Variants in UGT1A7 observed in about 807,000 individuals in gnomAD.
UGT1A7 encodes the protein UDP glucuronosyltransferase family 1 member A7.
Under a neutral mutation model 45.6 loss-of-function variants are expected in UGT1A7, and 33 were observed. The observed-to-expected ratio is 0.72, with a 90% CI of 0.55 to 0.97. The LOEUF is 0.97. UGT1A7 is among the 50% of genes least tolerant of loss of function. The pLI, the probability that UGT1A7 is intolerant of heterozygous loss-of-function variation, is 0.00. For missense variants in UGT1A7, 684 were observed against 666.2 expected, an observed-to-expected ratio of 1.03 and a Z score of -0.29; for synonymous variants, 274 against 250.6, an observed-to-expected ratio of 1.09 and a Z score of -0.88.
chr2:233,704,482 A>G (rs2075791499), intron 1 of UGT1A7, among the ~76,000 whole-genome samples: 1 of 152,052 alleles, frequency 6.6e-6, no homozygotes, highest in South Asian at 2.1e-4. Flanking sequence ...TCCCCTTTTT[A>G]TGATATTATT....
intron 1 of UGT1A7, among the ~76,000 whole-genome samples, chr2:233,724,331 G>A (rs1366026275): frequency 6.4e-5 from 9 of 139,780 alleles, no homozygotes; most frequent in East Asian, 2.2e-4. Flanking sequence ...CTGGCCAGGC[G>A]GGGGGCTGAC....
chr2:233,732,301 C>A (rs2078258261), intron 1 of UGT1A7, among the ~76,000 whole-genome samples: 1 of 152,184 alleles, frequency 6.6e-6, no homozygotes, highest in South Asian at 2.1e-4. Flanking sequence ...TTAATTAGAT[C>A]CCATTTGTCT....
intron 4 of UGT1A7, chr2:233,771,362 C>T (rs1186329971): frequency 6.6e-6 from 1 of 152,076 alleles, no homozygotes; most frequent in African/African-American, 2.4e-5. Context: ...GTTGAAGCAC[C>T]TAACCCGTTT....
chr2:233,692,840 A>C, intron 1 of UGT1A7: 1 of 1,451,404 alleles, frequency 6.9e-7, no homozygotes, highest in Non-Finnish European at 9.0e-7. Context: ...AAAATGGTTA[A>C]ATATTAATTT....
In UGT1A7 at chr2:233,685,280, G is replaced by A. The variant is rs141032046; in HGVS notation, c.855+2488G>A. Among the ~76,000 whole-genome samples the A allele has an allele frequency of 1.9e-3, 285 of 152,202 alleles. 2 individuals are homozygous for A. The highest frequency in any genetic ancestry group is 6.4e-3 in the African/African-American group (266 of 41,544). On this transcript the variant is annotated intron_variant, in intron 1 of 4. Transcript: ENST00000373426. ...ACTCCTGACCTCAAGTGATCCGCCC[G>A]CCTCCGCCTTTCAAAGTGTTGAGAT... is the stretch of plus-strand genomic sequence containing the variant.
rs1699952457 is a variant in UGT1A7, at chr2:233,769,841, G to C, written c.1295+1402G>C. On this transcript the variant is annotated intron_variant, in intron 4 of 4. Coordinates refer to ENST00000373426, the MANE Select transcript of UGT1A7 (RefSeq NM_019077.3). This position sits in a 1 kb window ranked among gnomAD's most constrained non-coding sequence, Gnocchi z 4.4. The stretch of plus-strand genomic sequence containing the variant: ...CTGCACTCCAGCAACCTGGGCAACA[G>C]AGTGAGACCCTGTCTCAAAAAAAAA... The C allele has an allele frequency of 1.8e-6, 1 of 550,096 alleles. No homozygotes were observed. Among genetic ancestry groups the C allele is most frequent in the Non-Finnish European group, 2.8e-6 (1 of 353,910 alleles). The allele number at this position is 550,096 out of a possible 1,614,324, so 34.1% of individuals were successfully genotyped here. A position where few individuals can be genotyped will look rare whatever the true frequency, so the allele number is the denominator to read the frequency against.
chr2:233,701,208 T>G (rs111659541), intron 1 of UGT1A7, among the ~76,000 whole-genome samples: 41 of 152,260 alleles, frequency 2.7e-4, no homozygotes, highest in African/African-American at 9.2e-4. Context: ...ATAGCAGCAT[T>G]ATTTATAATC....
At chr2:233,725,264 G>GGCAGAGGCAGAGGCAGAGGCAGAGGCA (rs1216362118) in intron 1 of UGT1A7, among the ~76,000 whole-genome samples, 1 of 58,548 alleles carries the variant, frequency 1.7e-5, no homozygotes, top group African/African-American at 1.3e-4. Flanking sequence ...CAGAGGCAGA[G>GGCAGAGGCAGAGGCAGAGGCAGAGGCA]GAGGCAGAGG....
chr2:233,701,912 C>A (rs1291410680), intron 1 of UGT1A7, among the ~76,000 whole-genome samples: 2 of 152,020 alleles, frequency 1.3e-5, no homozygotes, highest in Non-Finnish European at 1.5e-5. Context: ...AAAATTGACA[C>A]CCTAACATCA....
intron 1 of UGT1A7, among the ~76,000 whole-genome samples, chr2:233,749,626 A>G (rs377692778): frequency 5.9e-5 from 9 of 151,982 alleles, no homozygotes; most frequent in South Asian, 4.2e-4. Context: ...TTGGCTCTGT[A>G]TCCCCCACCA....
At chr2:233,726,556 C>T (rs1390760024) in intron 1 of UGT1A7, among the ~76,000 whole-genome samples, 1 of 152,180 alleles carries the variant, frequency 6.6e-6, no homozygotes, top group Non-Finnish European at 1.5e-5. Flanking sequence ...CTTCAAGTCT[C>T]CCACTCTTAC....
chr2:233,707,423 C>T (rs1388358348), intron 1 of UGT1A7, among the ~76,000 whole-genome samples: 1 of 151,946 alleles, frequency 6.6e-6, no homozygotes, highest in Non-Finnish European at 1.5e-5. Context: ...TCGACTATTT[C>T]TTTGCTTTTC....
chr2:233,727,172 G>A (rs930119723), intron 1 of UGT1A7, among the ~76,000 whole-genome samples: 2 of 152,114 alleles, frequency 1.3e-5, no homozygotes, highest in African/African-American at 2.4e-5. Flanking sequence ...GCTTTTTTCT[G>A]TCTCTGGACT....
At chr2:233,693,263 C>A (rs2075141941) in intron 1 of UGT1A7, 2 of 1,613,974 alleles carry the variant, frequency 1.2e-6, no homozygotes, top group African/African-American at 2.7e-5. Flanking sequence ...CCAAGAAGAG[C>A]TGAAGAACCG....
Position 233,693,128 on chromosome 2 carries a change from A to G in UGT1A7, c.855+10336A>G, listed in dbSNP as rs148594741. 338 of 1,614,088 alleles carry G rather than the reference A, an allele frequency of 2.1e-4. No homozygotes were observed. The highest frequency in any genetic ancestry group is 2.7e-4 in the Non-Finnish European group (320 of 1,180,052). On this transcript the variant is annotated intron_variant, in intron 1 of 4. Transcript: ENST00000373426. ...TCAGGACGGAAGCCACTGGCTTAGTATGAAGGATATAGTTGAGGTTCTCAG... is the reference window on the plus strand; with the variant it reads ...TCAGGACGGAAGCCACTGGCTTAGTGTGAAGGATATAGTTGAGGTTCTCAG...
chr2:233,708,424 T>A (rs1288972358), intron 1 of UGT1A7: 2 of 152,202 alleles, frequency 1.3e-5, no homozygotes, highest in African/African-American at 4.8e-5. Context: ...CCAGTGAAGA[T>A]AAGAACTGGT....
chr2:233,720,952 C>T (rs374895724), intron 1 of UGT1A7, among the ~76,000 whole-genome samples: 224 of 149,770 alleles, frequency 1.5e-3, no homozygotes, highest in African/African-American at 5.2e-3. Flanking sequence ...CTCATGTGAT[C>T]TGCCCGCCTC....
chr2:233,729,818 A>G, intron 1 of UGT1A7: 1 of 1,613,812 alleles, frequency 6.2e-7, no homozygotes, highest in Non-Finnish European at 8.5e-7. Flanking sequence ...TCTGCTCCTT[A>G]TGCAAGCCTT....
chr2:233,685,554 A>G (rs557417224), intron 1 of UGT1A7, among the ~76,000 whole-genome samples: 1 of 152,278 alleles, frequency 6.6e-6, no homozygotes, highest in South Asian at 2.1e-4. Context: ...TTTTGATCCA[A>G]ATTCAAATTT....
Sources: gnomAD v4.1 joint callset for allele counts (sites outside exome capture counted in the v4.1 genomes callset) on GRCh38, gnomAD v4.1.1 for gene constraint, Gnocchi (gnomAD v3.1) non-coding constraint, MANE v1.5 for transcripts, NCBI Gene and HGNC (gene_info 2026-07-23, HGNC 2026-07-21) for gene names.